The following VTI1B variants were observed in gnomAD, a reference collection of about 807,000 sequenced individuals.
VTI1B encodes the protein vesicle transport through interaction with t-SNAREs 1B, also known as vesicle transport through interaction with t-SNAREs homolog 1B.
A neutral mutation model predicts 28.6 loss-of-function variants in VTI1B; 18 were observed. The ratio of observed to expected loss-of-function variants is 0.63; its 90% CI spans 0.43 to 0.93. The LOEUF (loss-of-function observed/expected upper bound fraction) is 0.93, where lower values mean the gene tolerates loss of function less well. Ranked by LOEUF, VTI1B falls within the 40% of genes least tolerant of loss-of-function variation. The probability of loss-of-function intolerance (pLI) is 0.00; values close to 1 mark genes in which losing one functional copy is unlikely to be tolerated. For synonymous variants in VTI1B, 100 were observed against 107.9 expected (o/e 0.93, Z 0.46); for missense variants, 283 against 297.0 (o/e 0.95, Z 0.35).
intron 3 of VTI1B, among the ~76,000 whole-genome samples, chr14:67,657,625 C>A (rs2037278264): frequency 2.9e-5 from 4 of 136,836 alleles, no homozygotes; most frequent in Non-Finnish European, 6.1e-5. Context: ...CACACACACC[C>A]AAAATCAAAA....
intron 1 of VTI1B, among the ~76,000 whole-genome samples, chr14:67,673,095 A>G (rs1181328912): frequency 6.6e-6 from 1 of 152,224 alleles, no homozygotes; most frequent in Non-Finnish European, 1.5e-5. Context: ...CGCCCTATTT[A>G]AAACTGAAGT....
At chr14:67,661,700 T>A (rs1325220172) in intron 2 of VTI1B, among the ~76,000 whole-genome samples, 2 of 149,432 alleles carry the variant, frequency 1.3e-5, no homozygotes, top group African/African-American at 4.9e-5. Context: ...CCTCGGTAAT[T>A]TTTTTTTGTT....
chr14:67,656,531 GC>G lies in VTI1B; in HGVS notation c.424del (p.Ala142ProfsTer23). 1.2e-6 allele frequency: 2 copies of G among 1,613,676 alleles called. No homozygotes were observed. The highest frequency in any genetic ancestry group is 1.7e-6 in the Non-Finnish European group (2 of 1,179,718). Reference sequence around the variant, plus strand: ...ATGAGAACGTTCAATACTTTGGGTGGCCCGGTTCAGGCTTTCAGTGCCCTGC... The same window carrying G: ...ATGAGAACGTTCAATACTTTGGGTGGCCGGTTCAGGCTTTCAGTGCCCTGC... The part of the protein sequence containing the change: ...LLQGTESLNR[A>X]TQSIERSHRI... On this transcript the variant is annotated frameshift_variant, in exon 4 of 6. Coordinates refer to ENST00000554659, the MANE Select transcript of VTI1B (RefSeq NM_006370.3). LOFTEE classifies it high-confidence loss of function.
intron 4 of VTI1B, among the ~76,000 whole-genome samples, chr14:67,655,164 A>AC (rs1456390750): frequency 6.6e-6 from 1 of 151,628 alleles, no homozygotes; most frequent in African/African-American, 2.4e-5. Context: ...ACATAATGAG[A>AC]CCCCGTTTTT....
At chr14:67,667,613 A>C (rs532104958) in intron 1 of VTI1B, among the ~76,000 whole-genome samples, 1 of 152,356 alleles carries the variant, frequency 6.6e-6, no homozygotes, top group East Asian at 1.9e-4. Context: ...AATACTTAGG[A>C]AGAACCTAAG....
chr14:67,657,681 C>T (rs1265804004), intron 3 of VTI1B, among the ~76,000 whole-genome samples: 2 of 151,822 alleles, frequency 1.3e-5, no homozygotes, highest in Non-Finnish European at 2.9e-5. Flanking sequence ...TGACCACTGG[C>T]AGTAGGACCA....
At chr14:67,673,214 C>T (rs1271968626) in intron 1 of VTI1B, among the ~76,000 whole-genome samples, 1 of 152,016 alleles carries the variant, frequency 6.6e-6, no homozygotes, top group Non-Finnish European at 1.5e-5. Flanking sequence ...GGGGTGGTGG[C>T]GCAACTGTAA....
intron 1 of VTI1B, among the ~76,000 whole-genome samples, chr14:67,672,752 C>T (rs1424446358): frequency 6.6e-6 from 1 of 152,114 alleles, no homozygotes; most frequent in Non-Finnish European, 1.5e-5. Flanking sequence ...CTGCAGTCTA[C>T]TTTTCAATCA....
intron 4 of VTI1B, among the ~76,000 whole-genome samples, chr14:67,655,767 T>C (rs939617184): frequency 3.3e-5 from 5 of 152,232 alleles, no homozygotes; most frequent in African/African-American, 1.2e-4. Context: ...TTTTGACATA[T>C]TATTTCTCTT....
chr14:67,647,317 C>T lies in VTI1B; in HGVS notation c.*4068G>A. 3.6e-6 allele frequency: 1 copy of T among 277,288 alleles called. No homozygotes were observed. The allele number at this position is 277,288 out of a possible 1,614,324, so 17.2% of individuals were successfully genotyped here. On this transcript the variant is annotated 3_prime_UTR_variant, in exon 6 of 6. Coordinates refer to ENST00000554659, the MANE Select transcript of VTI1B (RefSeq NM_006370.3). ...CAAGCATTTATTGTTTCAACTGTCCCATTCTTCCCAGCCTCACGATTGTTT... is the reference window on the plus strand; with the variant it reads ...CAAGCATTTATTGTTTCAACTGTCCTATTCTTCCCAGCCTCACGATTGTTT...
At chr14:67,670,945 C>G (rs2140034463) in intron 1 of VTI1B, among the ~76,000 whole-genome samples, 1 of 152,324 alleles carries the variant, frequency 6.6e-6, no homozygotes, top group Admixed American at 6.5e-5. Context: ...GCATAAGCTA[C>G]ATGCAAGGAC....
rs760481444 is a variant in VTI1B, at chr14:67,659,880, A to G, written c.217T>C (p.Phe73Leu). Residue 73 changes from phenylalanine (F) to leucine (L), a missense_variant, in exon 3 of 6, where the codon TTC (phenylalanine) becomes CTC (leucine). Physicochemically the swap from Phe to Leu is conservative, Grantham distance 22. Transcript: ENST00000554659. ...AGCTTAGACATCATGGGGTTTCGGAAAGACAGGGGTGCATAACGTAGCTCC... is the reference window on the plus strand; with the variant it reads ...AGCTTAGACATCATGGGGTTTCGGAGAGACAGGGGTGCATAACGTAGCTCC... Reference protein sequence around the residue: ...EEELRYAPLSFRNPMMSKLRN... With the variant: ...EEELRYAPLSLRNPMMSKLRN... The G allele has an allele frequency of 6.2e-7, 1 of 1,614,178 alleles. No individual in the cohort carries two copies. The highest frequency in any genetic ancestry group is 8.5e-7 in the Non-Finnish European group (1 of 1,180,020).
In VTI1B at chr14:67,648,014, T is replaced by C; in HGVS notation, c.*3371A>G. On this transcript the variant is annotated 3_prime_UTR_variant, in exon 6 of 6. Coordinates refer to ENST00000554659, the MANE Select transcript of VTI1B (RefSeq NM_006370.3). ...TCCAAGGACAACCAGTTAAGTATTA[T>C]TTTAAGTATTATTTTATCCTCTTCC... 1 of 1,554,766 alleles carries C rather than the reference T, an allele frequency of 6.4e-7. No homozygotes were observed. Among genetic ancestry groups the C allele is most frequent in the South Asian group, 1.2e-5 (1 of 85,678 alleles).
chr14:67,656,383 T>C lies in VTI1B; in HGVS notation c.540+33A>G, dbSNP rs746812604. ...GTGCAGTGGCCCCCTAATTACCCCA[T>C]ACTTGCCCCTTTCCCTGTCTGCCCA... On this transcript the variant is annotated intron_variant, in intron 4 of 5. Transcript: ENST00000554659. 32 of 1,549,402 alleles carry C rather than the reference T, an allele frequency of 2.1e-5. No individual in the cohort carries two copies. The East Asian group carries it at 7.0e-4, about 34-fold the overall frequency.
intron 3 of VTI1B, among the ~76,000 whole-genome samples, chr14:67,658,949 C>T (rs1358725272): frequency 1.3e-5 from 2 of 152,228 alleles, no homozygotes; most frequent in Non-Finnish European, 2.9e-5. Flanking sequence ...TCAGTCTGCA[C>T]TGGTGGGCCC....
chr14:67,671,480 TG>T (rs2037464322), intron 1 of VTI1B, among the ~76,000 whole-genome samples: 1 of 151,904 alleles, frequency 6.6e-6, no homozygotes, highest in South Asian at 2.1e-4. Flanking sequence ...GAGCTGAGAT[TG>T]TACCACTGCA....
intron 3 of VTI1B, 128 bp from the exon 4 acceptor site, chr14:67,656,717 G>T: frequency 9.7e-7 from 1 of 1,028,584 alleles, no homozygotes; most frequent in African/African-American, 1.6e-5. Context: ...TTTTAAGACA[G>T]AACCAAAGAA....
At chr14:67,660,254 A>T (rs944326951) in intron 2 of VTI1B, 2 of 171,570 alleles carry the variant, frequency 1.2e-5, no homozygotes, top group African/African-American at 4.8e-5. Context: ...GCTCCATTTC[A>T]TATATAAGAC....
chr14:67,653,642 TG>T, intron 4 of VTI1B, 144 bp from the exon 5 acceptor site: 1 of 673,534 alleles, frequency 1.5e-6, no homozygotes, highest in South Asian at 2.0e-5. Flanking sequence ...GGCCTTTGAG[TG>T]TAAGTAGAAG....
Sources: gnomAD v4.1 joint callset for allele counts (sites outside exome capture counted in the v4.1 genomes callset) on GRCh38, gnomAD v4.1.1 for gene constraint, MANE v1.5 for transcripts, NCBI Gene and HGNC (gene_info 2026-07-23, HGNC 2026-07-21) for gene names.